CPNE7: variants seen among roughly 807,000 people sequenced by gnomAD.
CPNE7 encodes copine-7.
In CPNE7, 78 loss-of-function variants were observed where a neutral mutation model predicts 66.5. The observed-to-expected ratio is 1.17, with a 90% CI of 0.98 to 1.42. CPNE7 has a LOEUF of 1.42. Ranked by LOEUF, CPNE7 falls within the 40% of genes most tolerant of loss-of-function variation. CPNE7 has a pLI of 0.00. For synonymous variants in CPNE7, 468 were observed against 336.7 expected, an observed-to-expected ratio of 1.39 and a Z score of -4.27; for missense variants, 1,012 against 776.6, an observed-to-expected ratio of 1.30 and a Z score of -3.60.
Position 89,595,616 on chromosome 16 carries a change from G to C in CPNE7, c.1539+13G>C. 1 of 1,591,970 alleles carries C rather than the reference G, an allele frequency of 6.3e-7. No homozygotes were observed. The highest frequency in any genetic ancestry group is 8.6e-7 in the Non-Finnish European group (1 of 1,164,546). ...GGAGCTCAAGAACGTGAGTGTCCTGGAGGGGCTCCGTCAAGGCCGGCTTGG... is the reference window on the plus strand; with the variant it reads ...GGAGCTCAAGAACGTGAGTGTCCTGCAGGGGCTCCGTCAAGGCCGGCTTGG... On this transcript the variant is annotated intron_variant, in intron 14 of 14. Coordinates refer to ENST00000319518, the MANE Select transcript of CPNE7 (RefSeq NM_153636.3).
intron 2 of CPNE7, among the ~76,000 whole-genome samples, chr16:89,580,798 G>A (rs981211911): frequency 8.7e-5 from 12 of 138,198 alleles, no homozygotes; most frequent in Admixed American, 1.5e-4. Flanking sequence ...CCCGTCACAC[G>A]GAACATCCCG....
intron 2 of CPNE7, among the ~76,000 whole-genome samples, chr16:89,580,570 G>A (rs1334510441): frequency 4.8e-5 from 6 of 124,976 alleles, no homozygotes; most frequent in Admixed American, 8.2e-5. Context: ...CCCATCACAC[G>A]GAACATCTCA....
At chr16:89,591,319 C>T (rs567930004) in intron 13 of CPNE7, 59 bp downstream of exon 13, 42 of 1,478,664 alleles carry the variant, frequency 2.8e-5, no homozygotes, top group South Asian at 2.1e-4. Context: ...TGTGCACCAG[C>T]GCGTGGACGT....
chr16:89,596,502 G>C lies in CPNE7; in HGVS notation c.1558G>C (p.Ala520Pro). The change falls in exon 15 of 15, where the codon GCC becomes CCC. Residue 520 changes from alanine (A) to proline (P), a missense_variant. Transcript: ENST00000319518. ...CCTCCAGGCATCCCCTGCGGCGCTG[G>C]CCAAGTGCGTGCTGGCCGAGGTCCC... ...ELKNASPAAL[A>P]KCVLAEVPKQ... 2 of 1,609,166 alleles carry C rather than the reference G, an allele frequency of 1.2e-6. No homozygotes were observed. The highest frequency in any genetic ancestry group is 1.7e-6 in the Non-Finnish European group (2 of 1,179,450).
Position 89,583,709 on chromosome 16 carries a change from A to G in CPNE7, c.370A>G (p.Lys124Glu). Residue 124 changes from lysine (K) to glutamate (E), a missense_variant, in exon 3 of 15, where the codon AAG becomes GAG. Lys to Glu is a moderately conservative substitution (Grantham distance 56, BLOSUM62 1). Transcript: ENST00000319518. The stretch of plus-strand genomic sequence containing the variant: ...CTCTGACTTACAGATTGTGGCCCAG[A>G]AGAAGGTGACCCGCCCGCTGCTGCT... ...ECTLGQIVAQ[K>E]KVTRPLLLKF... The G allele has an allele frequency of 6.2e-7, 1 of 1,612,748 alleles. No homozygotes were observed. Among genetic ancestry groups the G allele is most frequent in the Non-Finnish European group, 8.5e-7 (1 of 1,179,914 alleles).
chr16:89,594,752 A>T (rs1447848655), intron 13 of CPNE7, among the ~76,000 whole-genome samples: 1 of 146,246 alleles, frequency 6.8e-6, no homozygotes, highest in African/African-American at 2.5e-5. Context: ...CCCAAGTTCA[A>T]GCGATTCTCA....
chr16:89,582,454 C>T (rs2058970242), intron 2 of CPNE7, among the ~76,000 whole-genome samples: 1 of 152,242 alleles, frequency 6.6e-6, no homozygotes, highest in African/African-American at 2.4e-5. Flanking sequence ...CTTTCCTGCG[C>T]CCTCCCTGGA....
intron 13 of CPNE7, among the ~76,000 whole-genome samples, chr16:89,592,230 G>A (rs1370689799): frequency 6.7e-6 from 1 of 148,690 alleles, no homozygotes; most frequent in Non-Finnish European, 1.5e-5. Flanking sequence ...TAGCGAGGAT[G>A]GTCTCGATCT....
chr16:89,588,915 G>T (rs1429394335), intron 10 of CPNE7, 107 bp downstream of exon 10: 1 of 1,426,744 alleles, frequency 7.0e-7, no homozygotes, highest in East Asian at 2.4e-5. Context: ...AGCTATGACA[G>T]GTGCACCCGG....
intron 10 of CPNE7, among the ~76,000 whole-genome samples, chr16:89,589,629 G>A (rs187957430): frequency 6.6e-5 from 10 of 152,252 alleles, no homozygotes; most frequent in East Asian, 3.9e-4. Context: ...GAGAGCCCCC[G>A]GGGAGGCGTC....
rs542630609 is a variant in CPNE7, at chr16:89,591,424, C to T, written c.1302+164C>T. 2.0e-5 allele frequency among the ~76,000 whole-genome samples: 3 copies of T among 152,326 alleles called. No individual in the cohort carries two copies. In the South Asian group the frequency reaches 6.2e-4, roughly 32 times the overall value. On this transcript the variant is annotated intron_variant, in intron 13 of 14. Coordinates refer to ENST00000319518, the MANE Select transcript of CPNE7 (RefSeq NM_153636.3). ...GGGGCCCAGCTGGTTGACTACGTCTCCCTCAAAGGTGCAGGTGTCTCGGGC... is the reference window on the plus strand; with the variant it reads ...GGGGCCCAGCTGGTTGACTACGTCTTCCTCAAAGGTGCAGGTGTCTCGGGC...
intron 2 of CPNE7, among the ~76,000 whole-genome samples, chr16:89,581,550 C>T (rs1401996890): frequency 6.6e-6 from 1 of 152,234 alleles, no homozygotes; most frequent in East Asian, 1.9e-4. Flanking sequence ...GGCGTGCCAT[C>T]GATCCTGTTG....
rs981927235 is a variant in CPNE7 at position 89,584,929 on chromosome 16, T to A, written c.591+72T>A. 7 of 1,335,160 alleles carry A rather than the reference T, an allele frequency of 5.2e-6. No homozygotes were observed. Among genetic ancestry groups the A allele is most frequent in the Non-Finnish European group, 7.5e-6 (7 of 938,194 alleles). The allele number at this position is 1,335,160 out of a possible 1,614,324, so 82.7% of individuals were successfully genotyped here. ...CAGCCCTCACGCATCTCTGGCCACA[T>A]GGGAGGAGCTCCCAGCCTCCAACAG... On this transcript the variant is annotated intron_variant, in intron 5 of 14. Transcript: ENST00000319518. The surrounding 1 kb of genome is among the most constrained non-coding windows in gnomAD (Gnocchi z 6.0).
Position 89,585,801 on chromosome 16 carries a change from TA to T in CPNE7, c.780+17del. 2.4e-6 allele frequency: 2 copies of T among 818,148 alleles called. No individual in the cohort carries two copies. The allele number at this position is 818,148 out of a possible 1,614,324, so 50.7% of individuals were successfully genotyped here. Reference sequence around the variant, plus strand: ...GGAGGGGCAGGTGAGCAGGACGGGGTAGGGGGTCCTCCAGGGAGGGTCAGGT... The same window carrying T: ...GGAGGGGCAGGTGAGCAGGACGGGGTGGGGGTCCTCCAGGGAGGGTCAGGT... On this transcript the variant is annotated intron_variant, in intron 7 of 14. Transcript: ENST00000319518.
At chr16:89,576,226 C>T (rs887345852) in intron 1 of CPNE7, among the ~76,000 whole-genome samples, 155 bp downstream of exon 1, 14 of 152,010 alleles carry the variant, frequency 9.2e-5, no homozygotes, top group Admixed American at 1.3e-4. Flanking sequence ...TTGGGGGTTA[C>T]CAGGTCTGGG....
Position 89,585,747 on chromosome 16 carries a change from A to G in CPNE7, c.742A>G (p.Thr248Ala). The G allele has an allele frequency of 6.7e-7, 1 of 1,491,064 alleles. No homozygotes were observed. Among genetic ancestry groups the G allele is most frequent in the Non-Finnish European group, 9.0e-7 (1 of 1,113,692 alleles). 92.4% of individuals were successfully genotyped at this position (1,491,064 alleles called of 1,614,324 possible). A position where few individuals can be genotyped will look rare whatever the true frequency, so the allele number is the denominator to read the frequency against. ...CGACTTCATCGGAGAATTCTCTACC[A>G]CCTTCGAGGAGATGCAGAAGGCCTT... ...KHDFIGEFSTTFEEMQKAFEE... is the reference protein window; with the variant it reads ...KHDFIGEFSTAFEEMQKAFEE... The change falls in exon 7 of 15, where the codon ACC becomes GCC. Residue 248 changes from threonine (T) to alanine (A), a missense_variant. By Grantham distance (58) the Thr-to-Ala change is moderately conservative. Transcript: ENST00000319518.
chr16:89,593,929 A>G (rs895833740), intron 13 of CPNE7, among the ~76,000 whole-genome samples: 1 of 152,302 alleles, frequency 6.6e-6, no homozygotes, highest in Non-Finnish European at 1.5e-5. Flanking sequence ...AAATGTCAGT[A>G]TCAGCGTCTA....
In CPNE7 at chr16:89,595,597, C is replaced by G. The variant is rs762615231; in HGVS notation, c.1533C>G (p.Leu511=). ...TACAGTTCGTGCCCTTCCGGGAGCT[C>G]AAGAACGTGAGTGTCCTGGAGGGGC... ...DIVQFVPFRE[L]KNASPAALAK... The change falls in exon 14 of 15, where the codon CTC becomes CTG. Residue 511 remains leucine (L), a synonymous_variant. Transcript: ENST00000319518. 5.0e-6 allele frequency: 8 copies of G among 1,601,778 alleles called. No homozygotes were observed. Among genetic ancestry groups the G allele is most frequent in the Middle Eastern group, 1.7e-4 (1 of 6,054 alleles).
intron 2 of CPNE7, among the ~76,000 whole-genome samples, chr16:89,583,107 G>A (rs1022558660): frequency 6.6e-5 from 10 of 152,222 alleles, no homozygotes; most frequent in Non-Finnish European, 1.5e-4. Flanking sequence ...GGCTGCATGA[G>A]GAGGTCCCCA....
Sources: allele counts gnomAD v4.1 joint callset (sites outside exome capture counted in the v4.1 genomes callset), GRCh38; gene constraint gnomAD v4.1.1; non-coding constraint Gnocchi (gnomAD v3.1); transcripts MANE v1.5; gene names NCBI Gene and HGNC (gene_info 2026-07-23, HGNC 2026-07-21).